DNAAF11: variants seen among roughly 807,000 people sequenced by gnomAD.
The protein encoded by DNAAF11 is leucine rich repeat containing 6.
A neutral mutation model predicts 60.8 loss-of-function variants in DNAAF11; 45 were observed. That is an observed-to-expected ratio of 0.74 (90% confidence interval 0.58 to 0.95). The LOEUF is 0.95. DNAAF11 is among the 40% of genes least tolerant of loss of function. The pLI is 0.00. For synonymous variants in DNAAF11, 191 were observed against 183.5 expected, an observed-to-expected ratio of 1.04 and a Z score of -0.33; for missense variants, 546 against 546.2, an observed-to-expected ratio of 1.00 and a Z score of 0.00.
chr8:132,598,754 C>A (rs1011578738), intron 10 of DNAAF11, among the ~76,000 whole-genome samples: 2 of 152,190 alleles, frequency 1.3e-5, no homozygotes, highest in African/African-American at 4.8e-5. Flanking sequence ...ATACCAGAAT[C>A]TGTGGGACAC....
At chr8:132,615,338 C>T (rs1819035287) in intron 7 of DNAAF11, among the ~76,000 whole-genome samples, 1 of 152,154 alleles carries the variant, frequency 6.6e-6, no homozygotes, top group Non-Finnish European at 1.5e-5. Flanking sequence ...AGGTAAATTA[C>T]ACACAAAAAA....
intron 1 of DNAAF11, among the ~76,000 whole-genome samples, chr8:132,674,916 A>G (rs1048919459): frequency 1.3e-5 from 2 of 152,138 alleles, no homozygotes; most frequent in Non-Finnish European, 2.9e-5. Flanking sequence ...CACGTTTATA[A>G]CACTTACTGT....
At chr8:132,620,492 T>A (rs1451356393) in intron 7 of DNAAF11, among the ~76,000 whole-genome samples, 1 of 151,994 alleles carries the variant, frequency 6.6e-6, no homozygotes, top group African/African-American at 2.4e-5. Context: ...GTGCCACCAT[T>A]CCTGGCTAAT....
chr8:132,608,148 T>C (rs951214494), intron 10 of DNAAF11, among the ~76,000 whole-genome samples: 2 of 152,178 alleles, frequency 1.3e-5, no homozygotes, highest in South Asian at 2.1e-4. Context: ...TAACTACTTA[T>C]GGATGAAAAA....
At chr8:132,667,113 A>C (rs1283024179) in intron 1 of DNAAF11, among the ~76,000 whole-genome samples, 3 of 152,242 alleles carry the variant, frequency 2.0e-5, no homozygotes, top group Admixed American at 2.0e-4. Context: ...TGGAGAGCTA[A>C]GAACTTAGAA....
chr8:132,659,807 G>A (rs1823950136), intron 2 of DNAAF11, among the ~76,000 whole-genome samples: 1 of 151,916 alleles, frequency 6.6e-6, no homozygotes, highest in African/African-American at 2.4e-5. Context: ...TAACATTTTG[G>A]GCTGGATATT....
intron 1 of DNAAF11, among the ~76,000 whole-genome samples, chr8:132,670,854 T>C (rs1227855786): frequency 1.3e-5 from 2 of 152,188 alleles, no homozygotes; most frequent in South Asian, 2.1e-4. Context: ...AACAAAGTGA[T>C]AATGTCAGTA....
chr8:132,656,859 T>C lies in DNAAF11; in HGVS notation c.227A>G (p.Asn76Ser). The change falls in exon 3 of 12, where the codon AAC becomes AGC. Residue 76 changes from asparagine (N) to serine (S), a missense_variant. Asn to Ser is a conservative substitution (Grantham distance 46). Transcript: ENST00000620350. ...CAAGTTTTCTATTTTTTCAATGTTG[T>C]TTAAAGCTAAATTCAAATATTCAAG... ...KKLEYLNLAL[N>S]NIEKIENLEG... 4 of 1,373,026 alleles carry C rather than the reference T, an allele frequency of 2.9e-6. No homozygotes were observed. Among genetic ancestry groups the C allele is most frequent in the Non-Finnish European group, 4.1e-6 (4 of 978,746 alleles). The allele number at this position is 1,373,026 out of a possible 1,614,324, so 85.1% of individuals were successfully genotyped here. A position where few individuals can be genotyped will look rare whatever the true frequency, so the allele number is the denominator to read the frequency against.
intron 3 of DNAAF11, among the ~76,000 whole-genome samples, chr8:132,642,638 G>T (rs908930265): frequency 1.3e-5 from 2 of 152,238 alleles, no homozygotes; most frequent in African/African-American, 4.8e-5. Context: ...GGCAGTGAGA[G>T]AGAACAAAAT....
intron 10 of DNAAF11, among the ~76,000 whole-genome samples, chr8:132,588,950 C>T (rs547495487): frequency 8.9e-4 from 136 of 152,218 alleles, no homozygotes; most frequent in Admixed American, 4.0e-3. Context: ...TCACACAGCA[C>T]TAGGGGGATG....
intron 3 of DNAAF11, among the ~76,000 whole-genome samples, chr8:132,638,701 T>C (rs1821556279): frequency 6.6e-6 from 1 of 152,066 alleles, no homozygotes. Context: ...ATAAGACGTT[T>C]TGATGTTCAA....
chr8:132,580,106 G>T (rs1056221394), intron 11 of DNAAF11, among the ~76,000 whole-genome samples: 2 of 150,654 alleles, frequency 1.3e-5, no homozygotes, highest in Non-Finnish European at 2.9e-5. Context: ...TCAGATATTG[G>T]AATATGAAAA....
the DNAAF11 span, among the ~76,000 whole-genome samples, chr8:132,683,444 C>T: frequency 3.9e-5 from 6 of 152,196 alleles, no homozygotes; most frequent in African/African-American, 1.4e-4. Context: ...GCCAGCACAG[C>T]CTCCCACCAG....
At chr8:132,677,431 A>C (rs1002761790), upstream of DNAAF11, among the ~76,000 whole-genome samples, 14 of 151,808 alleles carry the variant, frequency 9.2e-5, no homozygotes, top group Non-Finnish European at 1.2e-4. Context: ...CTTAATAAAA[A>C]TTAAAAAAAA....
At chr8:132,599,239 C>G (rs921675516) in intron 10 of DNAAF11, among the ~76,000 whole-genome samples, 1 of 152,098 alleles carries the variant, frequency 6.6e-6, no homozygotes, top group Non-Finnish European at 1.5e-5. Context: ...AGTTGAATCC[C>G]TGAATGGACC....
the DNAAF11 span, among the ~76,000 whole-genome samples, chr8:132,701,263 C>T: frequency 5.5e-4 from 84 of 152,262 alleles, no homozygotes; most frequent in Non-Finnish European, 2.1e-4. Flanking sequence ...AAATACCACC[C>T]GGCTCATATA....
chr8:132,635,520 C>A (rs924660478), intron 4 of DNAAF11, among the ~76,000 whole-genome samples: 1 of 152,162 alleles, frequency 6.6e-6, no homozygotes, highest in Non-Finnish European at 1.5e-5. Context: ...TCTGGAGTGG[C>A]TCAGACACTG....
the DNAAF11 span, chr8:132,687,720 G>C: frequency 2.2e-6 from 1 of 455,708 alleles, no homozygotes; most frequent in Non-Finnish European, 4.4e-6. Context: ...AAGAGCTCAG[G>C]GCCTGAACTC....
At chr8:132,576,776 G>T (rs1814791099) in intron 11 of DNAAF11, among the ~76,000 whole-genome samples, 1 of 150,638 alleles carries the variant, frequency 6.6e-6, no homozygotes, top group Admixed American at 6.6e-5. Flanking sequence ...TAAGCATTTT[G>T]GATAAGGGAT....
Sources: allele counts gnomAD v4.1 joint callset (sites outside exome capture counted in the v4.1 genomes callset), GRCh38; gene constraint gnomAD v4.1.1; transcripts MANE v1.5; gene names NCBI Gene and HGNC (gene_info 2026-07-23, HGNC 2026-07-21).